Variants in ZMIZ1 observed in about 807,000 individuals in gnomAD.
ZMIZ1 encodes the protein zinc finger MIZ domain-containing protein 1.
ZMIZ1 carries 17 observed loss-of-function variants against 113.9 expected under a neutral mutation model. The observed-to-expected ratio is 0.15, with a 90% CI of 0.10 to 0.22. The LOEUF (loss-of-function observed/expected upper bound fraction) is 0.22. Among genes scored for constraint, ZMIZ1 ranks in the 10% least tolerant of loss-of-function variants. The probability of loss-of-function intolerance (pLI) is 1.00; values close to 1 mark genes in which losing one functional copy is unlikely to be tolerated. For missense variants in ZMIZ1, 1,059 were observed against 1,477.8 expected, an observed-to-expected ratio of 0.72 and a Z score of 4.65; for synonymous variants, 607 against 603.1, an observed-to-expected ratio of 1.01 and a Z score of -0.09.
At chr10:79,279,491 G>A (rs530887097) in intron 8 of ZMIZ1, among the ~76,000 whole-genome samples, 47 of 152,194 alleles carry the variant, frequency 3.1e-4, no homozygotes, top group African/African-American at 1.1e-3. Context: ...TGGGCGGCCG[G>A]GCAGAGGGGC....
chr10:79,298,354 C>T, intron 14 of ZMIZ1, 52 bp from the exon 15 acceptor site: 1 of 1,571,608 alleles, frequency 6.4e-7, no homozygotes, highest in Non-Finnish European at 8.6e-7. Context: ...AGCCATGGCC[C>T]CTTCTGTCTC....
intron 7 of ZMIZ1, among the ~76,000 whole-genome samples, chr10:79,271,684 C>A (rs1392266168): frequency 1.3e-5 from 2 of 152,124 alleles, no homozygotes; most frequent in Non-Finnish European, 2.9e-5. Context: ...CCTGTTAAAC[C>A]CATTTTATAG....
At position 79,162,460 on chromosome 10, in the gene ZMIZ1, G is replaced by A. The variant is rs527954388; in HGVS notation, c.-50+327G>A. Among the ~76,000 whole-genome samples, 14 of 152,340 alleles carry A rather than the reference G, an allele frequency of 9.2e-5. No homozygotes were observed. In the East Asian group the frequency reaches 2.7e-3, roughly 29 times the overall value. ...TCTGCACCACTCTAAACCCTGTGGA[G>A]TATGGGCAGCCCCACCAAAGGAGGC... is the stretch of plus-strand genomic sequence containing the variant. On this transcript the variant is annotated intron_variant, in intron 4 of 24. Transcript: ENST00000334512.
chr10:79,156,393 A>G (rs1231647920), intron 3 of ZMIZ1, among the ~76,000 whole-genome samples: 1 of 152,152 alleles, frequency 6.6e-6, no homozygotes, highest in Non-Finnish European at 1.5e-5. Context: ...CTGAGGGCCC[A>G]GCAGCAGGTA....
chr10:79,104,327 A>T (rs1843474981), intron 1 of ZMIZ1, among the ~76,000 whole-genome samples: 1 of 152,156 alleles, frequency 6.6e-6, no homozygotes, highest in Admixed American at 6.5e-5. Context: ...ATGAGTATAG[A>T]GTCCGCGTGC....
intron 5 of ZMIZ1, among the ~76,000 whole-genome samples, chr10:79,207,549 G>A (rs757473007): frequency 1.3e-5 from 2 of 151,920 alleles, no homozygotes; most frequent in Non-Finnish European, 2.9e-5. Context: ...GGCCTGAAGC[G>A]GAACCAGGAG....
chr10:79,086,189 G>A (rs1218821450), intron 1 of ZMIZ1, among the ~76,000 whole-genome samples: 1 of 152,192 alleles, frequency 6.6e-6, no homozygotes, highest in Non-Finnish European at 1.5e-5. Context: ...ACGGGGATTT[G>A]CACTTCACCG....
intron 7 of ZMIZ1, among the ~76,000 whole-genome samples, chr10:79,245,446 G>A (rs1022907347): frequency 4.6e-5 from 7 of 152,188 alleles, no homozygotes; most frequent in Admixed American, 3.3e-4. Flanking sequence ...CGGATGGTGG[G>A]TGCCCAGTGG....
chr10:79,200,029 C>G (rs1279560256), intron 4 of ZMIZ1, among the ~76,000 whole-genome samples: 1 of 152,208 alleles, frequency 6.6e-6, no homozygotes, highest in African/African-American at 2.4e-5. Context: ...GTTTCCTCAT[C>G]TCTAAAATGG....
chr10:79,084,543 A>C (rs1020040568), intron 1 of ZMIZ1, among the ~76,000 whole-genome samples: 2 of 152,060 alleles, frequency 1.3e-5, no homozygotes, highest in African/African-American at 2.4e-5. Context: ...TATTAATTCA[A>C]AGTCACTTCG....
intron 1 of ZMIZ1, among the ~76,000 whole-genome samples, chr10:79,092,177 A>G (rs1051732566): frequency 2.6e-5 from 4 of 151,882 alleles, no homozygotes; most frequent in Non-Finnish European, 5.9e-5. Context: ...AGATTCTGCA[A>G]CTCCACCCAG....
intron 1 of ZMIZ1, among the ~76,000 whole-genome samples, chr10:79,094,097 C>T (rs1412716464): frequency 6.6e-6 from 1 of 152,268 alleles, no homozygotes; most frequent in Non-Finnish European, 1.5e-5. Context: ...ACCTGTTCCA[C>T]ACGTCACAGC....
At chr10:79,155,845 A>G (rs1232876962) in intron 3 of ZMIZ1, among the ~76,000 whole-genome samples, 1 of 152,222 alleles carries the variant, frequency 6.6e-6, no homozygotes, top group Non-Finnish European at 1.5e-5. Context: ...GCCCAGGGAG[A>G]GGTACCCTCC....
chr10:79,240,071 G>T (rs1026803981), intron 7 of ZMIZ1, among the ~76,000 whole-genome samples: 5 of 152,348 alleles, frequency 3.3e-5, no homozygotes, highest in African/African-American at 4.8e-5. Context: ...ACGGCAGGAG[G>T]AGTTCAAACA....
chr10:79,180,752 G>A (rs1248086092), intron 4 of ZMIZ1, among the ~76,000 whole-genome samples: 1 of 152,200 alleles, frequency 6.6e-6, no homozygotes, highest in Non-Finnish European at 1.5e-5. Flanking sequence ...GGGATAAAGT[G>A]CCCACAAGAG....
chr10:79,213,705 G>A (rs190309544), intron 6 of ZMIZ1, among the ~76,000 whole-genome samples: 21 of 152,316 alleles, frequency 1.4e-4, no homozygotes, highest in South Asian at 2.1e-4. Context: ...AAGTTATGGC[G>A]TTAACCCTTT....
chr10:79,175,186 C>T (rs893095586), intron 4 of ZMIZ1, among the ~76,000 whole-genome samples: 7 of 152,208 alleles, frequency 4.6e-5, no homozygotes, highest in Non-Finnish European at 8.8e-5. Context: ...GGCAGCAAGC[C>T]TTACGCTAAT....
intron 2 of ZMIZ1, among the ~76,000 whole-genome samples, chr10:79,126,533 G>A (rs542741916): frequency 6.6e-6 from 1 of 152,338 alleles, no homozygotes; most frequent in African/African-American, 2.4e-5. Context: ...GGGAACAGCT[G>A]GGCCAAGACC....
chr10:79,218,879 A>C (rs1848847594), intron 7 of ZMIZ1, among the ~76,000 whole-genome samples: 1 of 152,086 alleles, frequency 6.6e-6, no homozygotes, highest in African/African-American at 2.4e-5. Flanking sequence ...GCCCAGAGGC[A>C]GGGGGTACAT....
Sources: gnomAD v4.1 joint callset for allele counts (sites outside exome capture counted in the v4.1 genomes callset) on GRCh38, gnomAD v4.1.1 for gene constraint, MANE v1.5 for transcripts, NCBI Gene and HGNC (gene_info 2026-07-23, HGNC 2026-07-21) for gene names.